PARD3B: variants seen among roughly 807,000 people sequenced by gnomAD.
PARD3B encodes the protein partitioning defective 3 homolog B.
Under a neutral mutation model 130.2 loss-of-function variants are expected in PARD3B, and 103 were observed. That is an observed-to-expected ratio of 0.79 (90% CI 0.67 to 0.93). PARD3B has a LOEUF of 0.93. Among genes scored for constraint, PARD3B ranks in the 40% least tolerant of loss-of-function variants. The pLI, the probability that PARD3B is intolerant of heterozygous loss-of-function variation, is 0.00. For synonymous variants in PARD3B, 583 were observed against 553.2 expected (o/e 1.05, Z -0.76); for missense variants, 1,609 against 1,499.2 (o/e 1.07, Z -1.21).
chr2:204,686,091 T>G, intron 1 of PARD3B, 90 bp from the exon 2 acceptor site: 1 of 874,396 alleles, frequency 1.1e-6, no homozygotes, highest in Non-Finnish European at 1.8e-6. Context: ...AACATATTTT[T>G]AACAAGTTAA....
intron 22 of PARD3B, among the ~76,000 whole-genome samples, chr2:205,588,080 A>G (rs980752001): frequency 5.9e-5 from 9 of 152,230 alleles, no homozygotes; most frequent in Non-Finnish European, 2.9e-5. Flanking sequence ...GAAGAAATAT[A>G]CAACTGAGGA....
At chr2:204,706,080 G>T (rs187422228) in intron 2 of PARD3B, among the ~76,000 whole-genome samples, 109 of 152,244 alleles carry the variant, frequency 7.2e-4, no homozygotes, top group African/African-American at 2.6e-3. Context: ...GCATGTCTTT[G>T]CAAGGGTAAA....
At chr2:205,538,986 C>T (rs2106453270) in intron 21 of PARD3B, among the ~76,000 whole-genome samples, 1 of 152,204 alleles carries the variant, frequency 6.6e-6, no homozygotes, top group South Asian at 2.1e-4. Flanking sequence ...AAATGAGGCT[C>T]AAAAGTTAAC....
In PARD3B at chr2:204,675,568, TA is replaced by T. The variant is rs566826896; in HGVS notation, c.121-10605del. On this transcript the variant is annotated intron_variant, in intron 1 of 22. Coordinates refer to ENST00000406610, the MANE Select transcript of PARD3B (RefSeq NM_001302769.2). This position sits in a 1 kb window ranked among gnomAD's most constrained non-coding sequence, Gnocchi z 4.4. ...GAAATAATTAAAATTTGTTCTTTATTAAAAAAAAGCTCTATCTAGATCTGGA... is the reference window on the plus strand; with the variant it reads ...GAAATAATTAAAATTTGTTCTTTATTAAAAAAAGCTCTATCTAGATCTGGA... Among the ~76,000 whole-genome samples, 17 of 151,850 alleles carry T rather than the reference TA, an allele frequency of 1.1e-4. 1 individual carries two copies. In the South Asian group the frequency reaches 2.1e-3, roughly 19 times the overall value.
At chr2:204,969,741 A>G (rs1480715653) in intron 3 of PARD3B, among the ~76,000 whole-genome samples, 9 of 152,234 alleles carry the variant, frequency 5.9e-5, no homozygotes, top group African/African-American at 1.9e-4. Flanking sequence ...ATGTGATAGC[A>G]CCTCACATCC....
At chr2:205,159,026 A>C (rs553513471) in intron 11 of PARD3B, 119 bp downstream of exon 11, 19 of 1,055,874 alleles carry the variant, frequency 1.8e-5, no homozygotes, top group Non-Finnish European at 2.6e-5. Context: ...CTTTCCCGCC[A>C]GATACAAAAA....
chr2:205,173,711 T>C (rs1419988684), intron 12 of PARD3B, among the ~76,000 whole-genome samples: 2 of 152,214 alleles, frequency 1.3e-5, no homozygotes, highest in Non-Finnish European at 2.9e-5. Context: ...ATGAACTTAT[T>C]TTCAACATTT....
chr2:205,192,777 A>G (rs902414868), intron 14 of PARD3B, among the ~76,000 whole-genome samples: 3 of 152,218 alleles, frequency 2.0e-5, no homozygotes, highest in Non-Finnish European at 2.9e-5. Flanking sequence ...GGTTTTCTCT[A>G]AAGGATACAA....
At chr2:205,032,433 G>T (rs73054977) in intron 3 of PARD3B, among the ~76,000 whole-genome samples, 2 of 152,184 alleles carry the variant, frequency 1.3e-5, no homozygotes, top group African/African-American at 2.4e-5. Context: ...TAATGTAAAA[G>T]GTGCCTGAGG....
At position 205,160,174 on chromosome 2, in the gene PARD3B, A is replaced by T. The variant is rs1052919897; in HGVS notation, c.1620+1267A>T. Reference sequence around the variant, plus strand: ...ACCTCTTCAGTTTACTCCTTGGTTTAGTTAGCTTTTGTCGCATAATAAATA... The same window carrying T: ...ACCTCTTCAGTTTACTCCTTGGTTTTGTTAGCTTTTGTCGCATAATAAATA... On this transcript the variant is annotated intron_variant, in intron 11 of 22. Coordinates refer to ENST00000406610, the MANE Select transcript of PARD3B (RefSeq NM_001302769.2). The surrounding 1 kb of genome is among the most constrained non-coding windows in gnomAD (Gnocchi z 4.0). 6.6e-6 allele frequency among the ~76,000 whole-genome samples: 1 copy of T among 152,218 alleles called. No homozygotes were observed. Among genetic ancestry groups the T allele is most frequent in the African/African-American group, 2.4e-5 (1 of 41,456 alleles).
At chr2:204,701,645 G>A (rs147242211) in intron 2 of PARD3B, among the ~76,000 whole-genome samples, 181 of 152,136 alleles carry the variant, frequency 1.2e-3, no homozygotes, top group African/African-American at 4.1e-3. Context: ...TATTAATGCC[G>A]TAGAATTCTG....
chr2:205,358,293 A>G (rs1027725111), intron 18 of PARD3B, among the ~76,000 whole-genome samples: 8 of 152,218 alleles, frequency 5.3e-5, no homozygotes, highest in African/African-American at 1.9e-4. Context: ...AAAGATCCCC[A>G]CAGAAGTTCT....
chr2:205,445,319 T>G (rs2047868435), intron 20 of PARD3B, among the ~76,000 whole-genome samples: 1 of 152,210 alleles, frequency 6.6e-6, no homozygotes, highest in Non-Finnish European at 1.5e-5. Context: ...CGCACTGCTA[T>G]AATGAGATAC....
intron 18 of PARD3B, among the ~76,000 whole-genome samples, chr2:205,379,483 TA>T (rs908959624): frequency 2.0e-5 from 3 of 152,092 alleles, no homozygotes; most frequent in South Asian, 2.1e-4. Flanking sequence ...GGGTTTTTTT[TA>T]AAAAAAAAGC....
Position 205,301,690 on chromosome 2 carries a change from C to T in PARD3B, c.2619C>T (p.Gly873=), listed in dbSNP as rs1270318090. ...PERKIKKKGF[G]AMLRFGKKKE... is the part of the protein sequence containing the mutation. ...GGAAAATAAAGAAGAAGGGCTTCGG[C>T]GCCATGCTGAGGTATGGGCCTGCTT... The change falls in exon 18 of 23, where the codon GGC becomes GGT. Residue 873 remains glycine (G), a synonymous_variant. Coordinates refer to ENST00000406610, the MANE Select transcript of PARD3B (RefSeq NM_001302769.2). This position sits in a 1 kb window ranked among gnomAD's most constrained non-coding sequence, Gnocchi z 5.2. 6 of 1,614,018 alleles carry T rather than the reference C, an allele frequency of 3.7e-6. No homozygotes were observed. Among genetic ancestry groups the T allele is most frequent in the Non-Finnish European group, 4.2e-6 (5 of 1,179,988 alleles).
At chr2:204,604,821 A>G (rs140555851) in intron 1 of PARD3B, among the ~76,000 whole-genome samples, 3 of 152,296 alleles carry the variant, frequency 2.0e-5, no homozygotes, top group South Asian at 2.1e-4. Context: ...ATTTTATGAT[A>G]TCTCTTGGGC....
chr2:205,220,593 C>T lies in PARD3B; in HGVS notation c.2141-25185C>T, dbSNP rs1005797541. On this transcript the variant is annotated intron_variant, in intron 15 of 22. Transcript: ENST00000406610. ...ACAGTGAACAAAGTAAAGCTCATGTCCACGTGAAGCTTATGTTTTCTTGGG... is the reference window on the plus strand; with the variant it reads ...ACAGTGAACAAAGTAAAGCTCATGTTCACGTGAAGCTTATGTTTTCTTGGG... Among the ~76,000 whole-genome samples, 5 of 152,116 alleles carry T rather than the reference C, an allele frequency of 3.3e-5. No individual in the cohort carries two copies. In the East Asian group the frequency reaches 7.7e-4, roughly 23 times the overall value.
intron 2 of PARD3B, among the ~76,000 whole-genome samples, chr2:204,916,487 T>G (rs1378995165): frequency 6.6e-6 from 1 of 152,224 alleles, no homozygotes. Flanking sequence ...ACAGTCCAAT[T>G]TATATGGTAG....
intron 16 of PARD3B, among the ~76,000 whole-genome samples, chr2:205,251,509 A>G (rs1391290088): frequency 6.6e-6 from 1 of 152,218 alleles, no homozygotes; most frequent in African/African-American, 2.4e-5. Flanking sequence ...AGATCCTTGC[A>G]AAAGAACAGA....
Sources: allele counts gnomAD v4.1 joint callset (sites outside exome capture counted in the v4.1 genomes callset), GRCh38; gene constraint gnomAD v4.1.1; non-coding constraint Gnocchi (gnomAD v3.1); transcripts MANE v1.5; gene names NCBI Gene and HGNC (gene_info 2026-07-23, HGNC 2026-07-21).